Variants in PCNX2 observed in about 807,000 individuals in gnomAD.
PCNX2 encodes pecanex-like protein 2.
PCNX2 carries 168 observed loss-of-function variants against 223.8 expected under a neutral mutation model. The observed-to-expected ratio is 0.75, with a 90% confidence interval of 0.66 to 0.85. PCNX2 has a LOEUF of 0.85. Ranked by LOEUF, PCNX2 falls within the 40% of genes least tolerant of loss-of-function variation. The pLI is 0.00. For synonymous variants in PCNX2, 1,006 were observed against 1,052.6 expected, an observed-to-expected ratio of 0.96 and a Z score of 0.86; for missense variants, 2,507 against 2,675.5, an observed-to-expected ratio of 0.94 and a Z score of 1.39.
chr1:233,195,200 A>G (rs1680655730), intron 15 of PCNX2, among the ~76,000 whole-genome samples: 1 of 152,092 alleles, frequency 6.6e-6, no homozygotes, highest in African/African-American at 2.4e-5. Flanking sequence ...CTTCCTAACA[A>G]TTGCTTTAAA....
At chr1:233,057,411 C>G in intron 23 of PCNX2, 121 bp from the exon 24 acceptor site, 1 of 750,660 alleles carries the variant, frequency 1.3e-6, no homozygotes, top group Non-Finnish European at 2.3e-6. Flanking sequence ...CAGGTTAAGA[C>G]GATTGCTGTA....
At chr1:233,096,594 T>C (rs1674182926) in intron 21 of PCNX2, among the ~76,000 whole-genome samples, 1 of 152,192 alleles carries the variant, frequency 6.6e-6, no homozygotes, top group Non-Finnish European at 1.5e-5. Flanking sequence ...ATGCGGTCAG[T>C]CAGTATCCCA....
chr1:233,130,395 G>A (rs1417865370), intron 21 of PCNX2, among the ~76,000 whole-genome samples: 3 of 151,634 alleles, frequency 2.0e-5, no homozygotes, highest in Admixed American at 1.3e-4. Context: ...CCACCGTCTC[G>A]ATACACGGCT....
At chr1:233,169,075 G>A (rs1214621318) in intron 17 of PCNX2, among the ~76,000 whole-genome samples, 1 of 151,874 alleles carries the variant, frequency 6.6e-6, no homozygotes, top group Non-Finnish European at 1.5e-5. Flanking sequence ...TTTGCCTATA[G>A]GGTTTTAAAA....
At chr1:233,081,821 C>A (rs976132659) in intron 23 of PCNX2, among the ~76,000 whole-genome samples, 20 of 152,108 alleles carry the variant, frequency 1.3e-4, no homozygotes, top group African/African-American at 4.3e-4. Flanking sequence ...AGCTGCTTTC[C>A]TTTCCAGACA....
chr1:233,028,217 C>T (rs1343205203), intron 25 of PCNX2, among the ~76,000 whole-genome samples: 2 of 152,182 alleles, frequency 1.3e-5, no homozygotes, highest in South Asian at 4.1e-4. Context: ...GCTGTTGCTA[C>T]ATGAAGTGTT....
the PCNX2 span, among the ~76,000 whole-genome samples, chr1:233,307,452 A>C: frequency 3.3e-5 from 5 of 152,140 alleles, no homozygotes; most frequent in Non-Finnish European, 7.4e-5. Context: ...TCATGAGTGG[A>C]AGCAGCCTGA....
At chr1:233,156,866 C>T (rs1259590847) in intron 19 of PCNX2, among the ~76,000 whole-genome samples, 5 of 151,926 alleles carry the variant, frequency 3.3e-5, no homozygotes, top group African/African-American at 7.3e-5. Context: ...TGCAGTGAGC[C>T]GAGATTGCAC....
At chr1:232,988,701 C>A (rs1356715214) in intron 32 of PCNX2, among the ~76,000 whole-genome samples, 1 of 152,172 alleles carries the variant, frequency 6.6e-6, no homozygotes, top group South Asian at 2.1e-4. Flanking sequence ...AATATGAGAA[C>A]ACAGCCTCCC....
In PCNX2 at chr1:233,090,118, C is replaced by G; in HGVS notation, c.4019G>C (p.Ser1340Thr). The change falls in exon 23 of 34, where the codon AGT (serine) becomes ACT (threonine). Residue 1340 changes from serine to threonine, a missense_variant. Ser to Thr is a moderately conservative substitution (Grantham distance 58). This residue lies in a region of PCNX2 where 1,372 missense variants were observed against 1,509.4 expected (regional missense o/e 0.91). Transcript: ENST00000258229. ...FSTPLSPFLG[S>T]VIFITSYVRP... ...GACATATGATGTGATGAAAATGACA[C>G]TCCCAAGAAATGGGCTCAATGGGGT... 1 of 1,613,856 alleles carries G rather than the reference C, an allele frequency of 6.2e-7. No homozygotes were observed. Among genetic ancestry groups the G allele is most frequent in the Non-Finnish European group, 8.5e-7 (1 of 1,179,832 alleles).
chr1:233,170,767 T>C (rs558988807), intron 17 of PCNX2, among the ~76,000 whole-genome samples: 1 of 152,362 alleles, frequency 6.6e-6, no homozygotes, highest in South Asian at 2.1e-4. Context: ...AATTTCCTTT[T>C]GTTATTTGTG....
At chr1:233,231,974 T>A (rs1658089732) in intron 9 of PCNX2, among the ~76,000 whole-genome samples, 2 of 152,156 alleles carry the variant, frequency 1.3e-5, no homozygotes, top group South Asian at 4.1e-4. Context: ...CTCTTAAAGA[T>A]AAAATGACAT....
At chr1:233,145,882 T>A (rs927063427) in intron 19 of PCNX2, among the ~76,000 whole-genome samples, 4 of 152,182 alleles carry the variant, frequency 2.6e-5, no homozygotes, top group African/African-American at 4.8e-5. Context: ...ATGTATGGAA[T>A]AACCATTAGG....
At chr1:233,028,391 G>A (rs1426479856) in intron 25 of PCNX2, among the ~76,000 whole-genome samples, 1 of 152,084 alleles carries the variant, frequency 6.6e-6, no homozygotes, top group Admixed American at 6.5e-5. Context: ...GTCAGTTTTT[G>A]CTTCTTATAG....
At chr1:233,213,816 CTTTTTTTTTTT>C (rs71173256) in intron 12 of PCNX2, among the ~76,000 whole-genome samples, 11 of 65,270 alleles carry the variant, frequency 1.7e-4, no homozygotes, top group South Asian at 7.0e-4. Context: ...CCAGTGCACT[CTTTTTTTTTTT>C]TTTTTTTTTT....
chr1:233,195,867 T>C (rs1013111673), intron 15 of PCNX2, among the ~76,000 whole-genome samples: 1 of 152,174 alleles, frequency 6.6e-6, no homozygotes, highest in Non-Finnish European at 1.5e-5. Flanking sequence ...GATCTACAAA[T>C]TCATCATAAT....
chr1:233,275,556 A>T (rs1297751108), intron 1 of PCNX2, among the ~76,000 whole-genome samples: 1 of 152,228 alleles, frequency 6.6e-6, no homozygotes, highest in East Asian at 1.9e-4. Flanking sequence ...ACACATGTTA[A>T]GTTGATATAT....
Position 233,028,492 on chromosome 1 carries a change from G to A in PCNX2, c.4352-3093C>T, listed in dbSNP as rs906501124. ...ATTATGAAATATACTTCTTTAGTGT[G>A]GTGATACACCTCATCTTGAAGTCTG... On this transcript the variant is annotated intron_variant, in intron 25 of 33. Transcript: ENST00000258229. Among the ~76,000 whole-genome samples, 7 of 152,216 alleles carry A rather than the reference G, an allele frequency of 4.6e-5. No individual in the cohort carries two copies. The South Asian group carries it at 1.0e-3, about 23-fold the overall frequency.
chr1:233,031,754 C>G, intron 25 of PCNX2: 1 of 984,992 alleles, frequency 1.0e-6, no homozygotes, highest in South Asian at 4.7e-5. Context: ...TCTGCCAGAC[C>G]TCCTTGCTTT....
Sources: allele counts gnomAD v4.1 joint callset (sites outside exome capture counted in the v4.1 genomes callset), GRCh38; gene constraint gnomAD v4.1.1; regional missense constraint gnomAD v4.1.1; transcripts MANE v1.5; gene names NCBI Gene and HGNC (gene_info 2026-07-23, HGNC 2026-07-21).